The following PPP1R12C variants were observed in gnomAD, a reference collection of about 807,000 sequenced individuals.
PPP1R12C encodes the protein protein phosphatase 1 regulatory subunit 12C.
Under a neutral mutation model 95.6 loss-of-function variants are expected in PPP1R12C, and 48 were observed. That is an observed-to-expected ratio of 0.50 (90% CI 0.40 to 0.64). The LOEUF is 0.64. Among genes scored for constraint, PPP1R12C ranks in the 30% least tolerant of loss-of-function variants. PPP1R12C has a pLI of 0.00. For synonymous variants in PPP1R12C, 480 were observed against 460.8 expected (o/e 1.04, Z -0.53); for missense variants, 1,057 against 1,083.3 (o/e 0.98, Z 0.34).
chr19:55,093,023 G>C lies in PPP1R12C; in HGVS notation c.1818C>G (p.Ala606=). The change falls in exon 15 of 22, where the codon GCC becomes GCG. Residue 606 remains alanine, a synonymous_variant. Transcript: ENST00000263433. ...CCCGAGAGCAGACCTCACCTCTCTG[G>C]GCAGGGCTGTCAGAGTTCTCCACTC... The part of the protein sequence containing the change: ...VPGVENSDSP[A]QRAEAPDGQG... The C allele has an allele frequency of 6.3e-7, 1 of 1,582,802 alleles. No homozygotes were observed. The highest frequency in any genetic ancestry group is 8.6e-7 in the Non-Finnish European group (1 of 1,163,264).
chr19:55,116,083 G>T (rs1056602957), intron 1 of PPP1R12C, among the ~76,000 whole-genome samples: 2 of 152,220 alleles, frequency 1.3e-5, no homozygotes, highest in African/African-American at 4.8e-5. Context: ...TCCAGGCAAA[G>T]AAAGCAAGAG....
At chr19:55,112,944 G>GT in intron 1 of PPP1R12C, 149 bp from the exon 2 acceptor site, 1 of 1,148,118 alleles carries the variant, frequency 8.7e-7, no homozygotes, top group Non-Finnish European at 1.2e-6. Context: ...GCCACTGGCT[G>GT]TTTAAGATAC....
intron 6 of PPP1R12C, among the ~76,000 whole-genome samples, chr19:55,097,926 G>C (rs894249661): frequency 6.6e-6 from 1 of 152,066 alleles, no homozygotes; most frequent in African/African-American, 2.4e-5. Context: ...GGCCCTCCCG[G>C]GTCTGCCCTG....
chr19:55,107,129 T>C (rs571644517), intron 3 of PPP1R12C, among the ~76,000 whole-genome samples: 4 of 149,324 alleles, frequency 2.7e-5, no homozygotes, highest in Admixed American at 2.0e-4. Context: ...AAAAAAAAAA[T>C]GTGACCAGGC....
intron 8 of PPP1R12C, 41 bp downstream of exon 8, chr19:55,096,010 C>G (rs2084907738): frequency 6.2e-7 from 1 of 1,607,684 alleles, no homozygotes; most frequent in Admixed American, 1.7e-5. Context: ...AACCCGACCC[C>G]TCCTCCCTCG....
chr19:55,105,947 A>C (rs1254516934), intron 3 of PPP1R12C, among the ~76,000 whole-genome samples: 4 of 152,036 alleles, frequency 2.6e-5, no homozygotes, highest in Non-Finnish European at 5.9e-5. Flanking sequence ...GTCTTAAAAA[A>C]AAAAAAAAAG....
intron 1 of PPP1R12C, among the ~76,000 whole-genome samples, chr19:55,116,727 G>C (rs1296225190): frequency 1.3e-5 from 2 of 152,196 alleles, no homozygotes; most frequent in Non-Finnish European, 2.9e-5. Context: ...GCAGCGCAAA[G>C]TGACAATGGC....
chr19:55,095,040 C>T (rs961570809), intron 11 of PPP1R12C: 12 of 674,996 alleles, frequency 1.8e-5, no homozygotes, highest in Non-Finnish European at 2.3e-5. Context: ...TGTGCGTGTG[C>T]GGACGGCGCC....
Position 55,093,022 on chromosome 19 carries a change from G to A in PPP1R12C, c.1819C>T (p.Gln607Ter). The change falls in exon 15 of 22, where the codon CAG (glutamine) becomes TAG (stop). Residue 607 changes from glutamine (Q) to a stop codon, truncating the protein, a stop_gained. Coordinates refer to ENST00000263433, the MANE Select transcript of PPP1R12C (RefSeq NM_017607.4). LOFTEE classifies it high-confidence loss of function. The stretch of plus-strand genomic sequence containing the variant: ...CCCCGAGAGCAGACCTCACCTCTCT[G>A]GGCAGGGCTGTCAGAGTTCTCCACT... ...PGVENSDSPA[Q>*]RAEAPDGQGP... 3.2e-6 allele frequency: 5 copies of A among 1,582,360 alleles called. No homozygotes were observed. Among genetic ancestry groups the A allele is most frequent in the Non-Finnish European group, 4.3e-6 (5 of 1,163,014 alleles).
Position 55,096,116 on chromosome 19 carries a change from C to A in PPP1R12C, c.1088G>T (p.Arg363Leu). 6.3e-7 allele frequency: 1 copy of A among 1,598,424 alleles called. No individual in the cohort carries two copies. Among genetic ancestry groups the A allele is most frequent in the South Asian group, 1.1e-5 (1 of 89,126 alleles). ...GGGCCCCCCAGCCCCACCAGGCCGG[C>A]GCTCCTTGGACAAGTCCTGGAGGGA... ...KISLQDLSKERRPGGAGGPPI... is the reference protein window; with the variant it reads ...KISLQDLSKELRPGGAGGPPI... The change falls in exon 8 of 22, where the codon CGC becomes CTC. Residue 363 changes from arginine to leucine, a missense_variant. Physicochemically the swap from Arg to Leu is moderately radical, Grantham distance 102. This residue lies in a region of PPP1R12C where 356 missense variants were observed against 330.5 expected (regional missense o/e 1.08). Transcript: ENST00000263433.
chr19:55,113,010 G>C, intron 1 of PPP1R12C: 1 of 621,498 alleles, frequency 1.6e-6, no homozygotes, highest in Non-Finnish European at 2.8e-6. Flanking sequence ...TGGAAACCAC[G>C]AAAGGACTCC....
chr19:55,116,179 A>G (rs2085151295), intron 1 of PPP1R12C, among the ~76,000 whole-genome samples: 1 of 152,114 alleles, frequency 6.6e-6, no homozygotes, highest in East Asian at 1.9e-4. Flanking sequence ...CAAGAAGGGG[A>G]GGCGGGACGC....
chr19:55,113,203 C>T, intron 1 of PPP1R12C: 1 of 505,554 alleles, frequency 2.0e-6, no homozygotes, highest in South Asian at 3.9e-5. Context: ...GAGTCCTGGC[C>T]CCCAGCCCCT....
At chr19:55,111,199 G>A (rs1421610136) in intron 3 of PPP1R12C, among the ~76,000 whole-genome samples, 2 of 150,182 alleles carry the variant, frequency 1.3e-5, no homozygotes, top group African/African-American at 4.9e-5. Flanking sequence ...GCAGGGTTTC[G>A]TTGGGGGATG....
At chr19:55,113,424 A>T in intron 1 of PPP1R12C, 1 of 1,501,488 alleles carries the variant, frequency 6.7e-7, no homozygotes, top group Non-Finnish European at 8.9e-7. Flanking sequence ...GTCACACTCC[A>T]GTTCACTGAG....
At chr19:55,112,890 G>T in intron 1 of PPP1R12C, 95 bp from the exon 2 acceptor site, 2 of 1,527,854 alleles carry the variant, frequency 1.3e-6, no homozygotes, top group South Asian at 2.3e-5. Context: ...CAGATCCAGG[G>T]ACACGGTGCT....
At chr19:55,095,634 G>A in intron 9 of PPP1R12C, 31 bp from the exon 10 acceptor site, 1 of 1,528,518 alleles carries the variant, frequency 6.5e-7, no homozygotes. Context: ...CAGTTAGAGA[G>A]AAAGGATCCC....
intron 3 of PPP1R12C, among the ~76,000 whole-genome samples, chr19:55,111,109 C>T (rs2085090025): frequency 7.4e-6 from 1 of 135,548 alleles, no homozygotes; most frequent in African/African-American, 2.8e-5. Context: ...AACAGCAAAT[C>T]CACAGACAGA....
In PPP1R12C at chr19:55,091,850, C is replaced by G. The variant is rs556797003; in HGVS notation, c.2211+9G>C. 7 of 1,613,448 alleles carry G rather than the reference C, an allele frequency of 4.3e-6. No homozygotes were observed. Among genetic ancestry groups the G allele is most frequent in the Non-Finnish European group, 5.1e-6 (6 of 1,180,002 alleles). On this transcript the variant is annotated intron_variant, in intron 20 of 21. Transcript: ENST00000263433. ...GCCTCTGGCCCCCATCCCCACTGCCCCTACTCACGAATCTCTCCAGTTCCA... is the reference window on the plus strand; with the variant it reads ...GCCTCTGGCCCCCATCCCCACTGCCGCTACTCACGAATCTCTCCAGTTCCA...
Sources: allele counts gnomAD v4.1 joint callset (sites outside exome capture counted in the v4.1 genomes callset), GRCh38; gene constraint gnomAD v4.1.1; regional missense constraint gnomAD v4.1.1; transcripts MANE v1.5; gene names NCBI Gene and HGNC (gene_info 2026-07-23, HGNC 2026-07-21).